MPP7: variants seen among roughly 807,000 people sequenced by gnomAD.
MPP7 encodes the protein MAGUK p55 subfamily member 7.
In MPP7, 60 loss-of-function variants were observed where a neutral mutation model predicts 76.5. That is an observed-to-expected ratio of 0.78 (90% confidence interval 0.64 to 0.97). MPP7 has a LOEUF of 0.97. Ranked by LOEUF, MPP7 falls within the 50% of genes least tolerant of loss-of-function variation. The pLI, the probability that MPP7 is intolerant of heterozygous loss-of-function variation, is 0.00. For synonymous variants in MPP7, 237 were observed against 244.5 expected (o/e 0.97, Z 0.29); for missense variants, 641 against 694.0 (o/e 0.92, Z 0.86).
chr10:28,141,311 A>T (rs1210188202), intron 5 of MPP7, among the ~76,000 whole-genome samples: 2 of 152,182 alleles, frequency 1.3e-5, no homozygotes, highest in African/African-American at 4.8e-5. Flanking sequence ...ATAAAAGTAC[A>T]GAAAAACAAA....
intron 3 of MPP7, among the ~76,000 whole-genome samples, chr10:28,182,798 C>A (rs549544448): frequency 1.3e-5 from 2 of 152,324 alleles, no homozygotes; most frequent in East Asian, 3.9e-4. Context: ...GCAAATTGAG[C>A]CGGGTGCAGT....
intron 2 of MPP7, among the ~76,000 whole-genome samples, chr10:28,322,362 T>G (rs1437948917): frequency 6.6e-6 from 1 of 152,062 alleles, no homozygotes; most frequent in Admixed American, 6.6e-5. Context: ...TTAACATTTT[T>G]CCTGCTTTTC....
chr10:28,110,144 G>C (rs1486295582), intron 11 of MPP7, among the ~76,000 whole-genome samples: 2 of 150,390 alleles, frequency 1.3e-5, no homozygotes, highest in African/African-American at 4.9e-5. Context: ...AGGATGGAGT[G>C]CAATGGTGCA....
chr10:28,084,074 G>A (rs1401702110), intron 12 of MPP7, among the ~76,000 whole-genome samples: 1 of 152,126 alleles, frequency 6.6e-6, no homozygotes, highest in African/African-American at 2.4e-5. Flanking sequence ...AGGAATTTCA[G>A]ACTAAAGGCT....
chr10:28,277,037 A>C (rs965812799), intron 1 of MPP7, among the ~76,000 whole-genome samples: 1 of 151,980 alleles, frequency 6.6e-6, no homozygotes, highest in African/African-American at 2.4e-5. Context: ...TACAAAAAAA[A>C]AAATTCATTA....
At chr10:28,283,005 T>C (rs1840715273) in intron 1 of MPP7, among the ~76,000 whole-genome samples, 1 of 152,010 alleles carries the variant, frequency 6.6e-6, no homozygotes, top group African/African-American at 2.4e-5. Flanking sequence ...TTTTAATCTT[T>C]TACATGAAAC....
At position 28,095,194 on chromosome 10, in the gene MPP7, CATATATATATATAT is replaced by C. The variant is rs10528025; in HGVS notation, c.953-5367_953-5354del. On this transcript the variant is annotated intron_variant, in intron 11 of 16. Transcript: ENST00000683449. ...TATCTGATATACATACACACATATGCATATATATATATATATATATATATATATACAGAAACATA... is the reference window on the plus strand; with the variant it reads ...TATCTGATATACATACACACATATGCATATATATATATATACAGAAACATA... 1.1e-3 allele frequency among the ~76,000 whole-genome samples: 144 copies of C among 130,854 alleles called. 7 individuals carry two copies. In the East Asian group the frequency reaches 0.047, roughly 43 times the overall value. 85.8% of individuals were successfully genotyped at this position (130,854 alleles called of 152,430 possible). A position where few individuals can be genotyped will look rare whatever the true frequency, so the allele number is the denominator to read the frequency against.
At chr10:28,181,610 G>A (rs1177237706) in intron 3 of MPP7, among the ~76,000 whole-genome samples, 1 of 152,208 alleles carries the variant, frequency 6.6e-6, no homozygotes, top group Non-Finnish European at 1.5e-5. Flanking sequence ...GCAAGACAGA[G>A]CCTGGAAGGG....
intron 1 of MPP7, among the ~76,000 whole-genome samples, chr10:28,252,052 G>C (rs1264000270): frequency 3.3e-5 from 5 of 152,130 alleles, no homozygotes; most frequent in Admixed American, 2.6e-4. Flanking sequence ...CTACACTTGA[G>C]ACAAGACAAC....
In MPP7 at chr10:28,255,507, T is replaced by G. The variant is rs1386429201; in HGVS notation, c.-131-16772A>C. On this transcript the variant is annotated intron_variant, in intron 1 of 16. Coordinates refer to ENST00000683449, the MANE Select transcript of MPP7 (RefSeq NM_001318170.2). ...TTGGCTCACTGCAACCTCCGCCTCC[T>G]AGGTTCAAGCGATTCTTCTGCCTCA... Among the ~76,000 whole-genome samples, 13 of 150,408 alleles carry G rather than the reference T, an allele frequency of 8.6e-5. No homozygotes were observed. The South Asian group carries it at 2.7e-3, about 32-fold the overall frequency.
At chr10:28,331,425 C>T (rs368870599) in intron 1 of MPP7, among the ~76,000 whole-genome samples, 1 of 152,180 alleles carries the variant, frequency 6.6e-6, no homozygotes. Context: ...GGCAAGAAAC[C>T]ACATATGCAA....
chr10:28,326,125 A>G (rs995074446), intron 2 of MPP7, among the ~76,000 whole-genome samples: 4 of 152,168 alleles, frequency 2.6e-5, no homozygotes, highest in Non-Finnish European at 5.9e-5. Flanking sequence ...CCTATTCTGG[A>G]GCTGCACACC....
intron 3 of MPP7, among the ~76,000 whole-genome samples, chr10:28,169,226 C>T (rs761036371): frequency 2.6e-5 from 4 of 152,050 alleles, no homozygotes; most frequent in Admixed American, 6.5e-5. Context: ...CATAGTGGTC[C>T]GAGCCTATAA....
intron 3 of MPP7, among the ~76,000 whole-genome samples, chr10:28,157,081 G>A (rs1021761139): frequency 1.3e-5 from 2 of 152,050 alleles, no homozygotes; most frequent in Admixed American, 6.5e-5. Flanking sequence ...GTGGTGCAGC[G>A]TGCCTGTAAT....
At chr10:28,164,000 A>T (rs1261171217) in intron 3 of MPP7, among the ~76,000 whole-genome samples, 3 of 152,132 alleles carry the variant, frequency 2.0e-5, no homozygotes, top group Non-Finnish European at 2.9e-5. Flanking sequence ...AAGTCTGAAG[A>T]AGTAGAGATC....
chr10:28,087,559 C>A (rs1853078582), intron 12 of MPP7, among the ~76,000 whole-genome samples: 1 of 152,084 alleles, frequency 6.6e-6, no homozygotes. Flanking sequence ...CTACACCTGA[C>A]TAATTTTTAT....
chr10:28,226,383 A>C (rs185985095), intron 2 of MPP7, among the ~76,000 whole-genome samples: 8 of 152,234 alleles, frequency 5.3e-5, no homozygotes, highest in Non-Finnish European at 8.8e-5. Flanking sequence ...AGTAGCTGGA[A>C]TTAGAGGGGC....
chr10:28,331,965 C>T (rs1041071642), intron 1 of MPP7, among the ~76,000 whole-genome samples: 1 of 152,112 alleles, frequency 6.6e-6, no homozygotes, highest in Admixed American at 6.6e-5. Flanking sequence ...GGCACTAATT[C>T]CAGGTTGCAG....
At chr10:28,145,783 T>C (rs945345513) in intron 5 of MPP7, among the ~76,000 whole-genome samples, 5 of 148,694 alleles carry the variant, frequency 3.4e-5, no homozygotes, top group Admixed American at 3.4e-4. Context: ...CTAGATAAAA[T>C]GAAAAATAAC....
Sources: gnomAD v4.1 joint callset for allele counts (sites outside exome capture counted in the v4.1 genomes callset) on GRCh38, gnomAD v4.1.1 for gene constraint, MANE v1.5 for transcripts, NCBI Gene and HGNC (gene_info 2026-07-23, HGNC 2026-07-21) for gene names.